The following HMCN2 variants were observed in gnomAD, a reference collection of about 807,000 sequenced individuals.
HMCN2 encodes hemicentin-2.
A neutral mutation model predicts 377.5 loss-of-function variants in HMCN2; 325 were observed. The observed-to-expected ratio is 0.86, with a 90% CI of 0.79 to 0.94. The LOEUF (loss-of-function observed/expected upper bound fraction) is 0.94. Ranked by LOEUF, HMCN2 falls within the 40% of genes least tolerant of loss-of-function variation. HMCN2 has a pLI of 0.00. For missense variants in HMCN2, 4,543 were observed against 4,725.3 expected (o/e 0.96, Z 1.13); for synonymous variants, 2,007 against 2,046.8 (o/e 0.98, Z 0.53).
intron 11 of HMCN2, among the ~76,000 whole-genome samples, chr9:130,305,861 T>C (rs544316034): frequency 1.0e-3 from 153 of 152,284 alleles, no homozygotes; most frequent in African/African-American, 3.6e-3. Context: ...GCGCTCAGCC[T>C]GGAGTGGACG....
At position 130,359,000 on chromosome 9, in the gene HMCN2, A is replaced by G. The variant is rs76911387; in HGVS notation, c.5678-319A>G. Among the ~76,000 whole-genome samples, 70 of 151,932 alleles carry G rather than the reference A, an allele frequency of 4.6e-4. No homozygotes were observed. The East Asian group carries it at 0.013, about 27-fold the overall frequency. On this transcript the variant is annotated intron_variant, in intron 36 of 97. Coordinates refer to ENST00000683500, the MANE Select transcript of HMCN2 (RefSeq NM_001291815.2). The stretch of plus-strand genomic sequence containing the variant: ...AGTGGAAGACCTTGCCCACATTCAT[A>G]TTTACGTTTGCTTATTTTGGGGGTT...
chr9:130,416,657 A>G (rs1843714278), intron 85 of HMCN2, among the ~76,000 whole-genome samples: 1 of 152,134 alleles, frequency 6.6e-6, no homozygotes, highest in African/African-American at 2.4e-5. Context: ...GAACACGCAC[A>G]CACACCTGTG....
intron 27 of HMCN2, 151 bp downstream of exon 27, chr9:130,348,826 A>G (rs910381331): frequency 1.0e-6 from 1 of 968,578 alleles, no homozygotes; most frequent in Non-Finnish European, 1.2e-6. Flanking sequence ...AGTGGAGGAT[A>G]GTGGTCATGT....
At chr9:130,399,436 AC>A (rs1394106479) in intron 75 of HMCN2, 74 bp from the exon 76 acceptor site, 2 of 1,183,502 alleles carry the variant, frequency 1.7e-6, no homozygotes, top group African/African-American at 1.6e-5. Context: ...TGGGCGTGAG[AC>A]CCCCACAGCC....
At chr9:130,281,552 C>T (rs1389346379) in intron 1 of HMCN2, among the ~76,000 whole-genome samples, 2 of 151,382 alleles carry the variant, frequency 1.3e-5, no homozygotes, top group African/African-American at 4.9e-5. Context: ...GAGCCAGGAT[C>T]GCGCCACTGC....
intron 66 of HMCN2, among the ~76,000 whole-genome samples, chr9:130,392,893 G>A (rs887568286): frequency 2.6e-5 from 4 of 152,060 alleles, no homozygotes; most frequent in Non-Finnish European, 5.9e-5. Flanking sequence ...CTACTCGGGA[G>A]GCTGAGGCAG....
intron 11 of HMCN2, among the ~76,000 whole-genome samples, 194 bp from the exon 12 acceptor site, chr9:130,305,935 T>C (rs1294626424): frequency 6.6e-6 from 1 of 152,154 alleles, no homozygotes; most frequent in African/African-American, 2.4e-5. Context: ...TGCCTGGGGA[T>C]GTGCTCAGGG....
chr9:130,385,912 A>G, intron 60 of HMCN2, 150 bp downstream of exon 60: 1 of 444,602 alleles, frequency 2.2e-6, no homozygotes. Flanking sequence ...AGCAGCTTCC[A>G]GGGTGGAAGA....
chr9:130,318,448 G>T (rs1415771722), intron 15 of HMCN2, among the ~76,000 whole-genome samples: 1 of 152,190 alleles, frequency 6.6e-6, no homozygotes, highest in Admixed American at 6.5e-5. Context: ...CACTTGGCTC[G>T]GACTGGCTCC....
Position 130,395,035 on chromosome 9 carries a change from T to A in HMCN2, c.10701T>A (p.Asp3567Glu), listed in dbSNP as rs1222281344. ...ACCCGCTCCATCCCCAGGTTAGGGATGCTGGGCTGTACACTTGTCTGGCTG... is the reference window on the plus strand; with the variant it reads ...ACCCGCTCCATCCCCAGGTTAGGGAAGCTGGGCTGTACACTTGTCTGGCTG... ...VLRVENVQVR[D>E]AGLYTCLAES... Residue 3567 changes from aspartate (D) to glutamate (E), a missense_variant, in exon 70 of 98, where the codon GAT (aspartate) becomes GAA (glutamate). Transcript: ENST00000683500. 7.8e-7 allele frequency: 1 copy of A among 1,285,066 alleles called. No homozygotes were observed. Among genetic ancestry groups the A allele is most frequent in the African/African-American group, 1.5e-5 (1 of 64,938 alleles). The allele number at this position is 1,285,066 out of a possible 1,614,324, so 79.6% of individuals were successfully genotyped here.
rs554777094 is a variant in HMCN2, at chr9:130,433,012, C to T, written c.14895-336C>T. ...GCTAAGCGCAGTCTCCACCTCCAAC[C>T]CCGCCCCCGCAGGGCAAATCCAGAC... On this transcript the variant is annotated intron_variant, in intron 97 of 97. Coordinates refer to ENST00000683500, the MANE Select transcript of HMCN2 (RefSeq NM_001291815.2). 4 of 392,018 alleles carry T rather than the reference C, an allele frequency of 1.0e-5. No homozygotes were observed. In the East Asian group the frequency reaches 1.3e-4, roughly 13 times the overall value. The allele number at this position is 392,018 out of a possible 1,614,324, so 24.3% of individuals were successfully genotyped here.
intron 25 of HMCN2, 33 bp downstream of exon 25, chr9:130,342,469 T>G (rs1588271781): frequency 6.6e-6 from 1 of 150,820 alleles, no homozygotes; most frequent in South Asian, 2.1e-4. Context: ...ACTGGGGAGG[T>G]GGGGTGGGCT....
At chr9:130,343,330 A>G (rs2131486056) in intron 25 of HMCN2, among the ~76,000 whole-genome samples, 1 of 152,290 alleles carries the variant, frequency 6.6e-6, no homozygotes, top group Non-Finnish European at 1.5e-5. Context: ...AAAGCCTGAC[A>G]GGAGCCTGGG....
chr9:130,322,495 C>G lies in HMCN2; in HGVS notation c.2920+564C>G, dbSNP rs1588240452. Reference sequence around the variant, plus strand: ...TCCATGACAAGGTGTTATGGCTGTTCTGTTTTCTGTCAATTAAGATTCAGA... The same window carrying G: ...TCCATGACAAGGTGTTATGGCTGTTGTGTTTTCTGTCAATTAAGATTCAGA... On this transcript the variant is annotated intron_variant, in intron 19 of 97. Coordinates refer to ENST00000683500, the MANE Select transcript of HMCN2 (RefSeq NM_001291815.2). Among the ~76,000 whole-genome samples, 3 of 152,084 alleles carry G rather than the reference C, an allele frequency of 2.0e-5. No individual in the cohort carries two copies. In the East Asian group the frequency reaches 5.8e-4, roughly 29 times the overall value.
intron 47 of HMCN2, among the ~76,000 whole-genome samples, chr9:130,372,773 C>T (rs932093586): frequency 8.5e-5 from 13 of 152,278 alleles, no homozygotes; most frequent in Admixed American, 3.3e-4. Context: ...CAGGGACAAT[C>T]GAAAGTGGAA....
At chr9:130,266,746 G>T (rs1739143816) in intron 1 of HMCN2, among the ~76,000 whole-genome samples, 1 of 152,226 alleles carries the variant, frequency 6.6e-6, no homozygotes, top group South Asian at 2.1e-4. Context: ...CACCTGCTGT[G>T]TTCTCACAGC....
intron 15 of HMCN2, among the ~76,000 whole-genome samples, chr9:130,317,563 C>T (rs1258353633): frequency 1.3e-5 from 2 of 150,300 alleles, no homozygotes; most frequent in Non-Finnish European, 3.0e-5. Context: ...GGTGCTATCT[C>T]GGCTCCCTCC....
intron 74 of HMCN2, among the ~76,000 whole-genome samples, chr9:130,398,297 G>A (rs1156488550): frequency 6.6e-6 from 1 of 152,176 alleles, no homozygotes; most frequent in Non-Finnish European, 1.5e-5. Flanking sequence ...TCAGGTGGGG[G>A]CTGATGGGAG....
chr9:130,391,677 C>G, intron 65 of HMCN2, 103 bp downstream of exon 65: 1 of 957,588 alleles, frequency 1.0e-6, no homozygotes, highest in Non-Finnish European at 1.2e-6. Flanking sequence ...CCACGGGTCT[C>G]ACTTCCCTGG....
Sources: gnomAD v4.1 joint callset for allele counts (sites outside exome capture counted in the v4.1 genomes callset) on GRCh38, gnomAD v4.1.1 for gene constraint, MANE v1.5 for transcripts, NCBI Gene and HGNC (gene_info 2026-07-23, HGNC 2026-07-21) for gene names.